DIP2B: variants seen among roughly 807,000 people sequenced by gnomAD.
DIP2B encodes disco-interacting protein 2 homolog B.
DIP2B carries 76 observed loss-of-function variants against 198.0 expected under a neutral mutation model. The ratio of observed to expected loss-of-function variants is 0.38; its 90% confidence interval spans 0.32 to 0.46. The LOEUF is 0.46. DIP2B is among the 20% of genes least tolerant of loss of function. The pLI, the probability that DIP2B is intolerant of heterozygous loss-of-function variation, is 0.99. For missense variants in DIP2B, 1,559 were observed against 1,978.4 expected (o/e 0.79, Z 4.02); for synonymous variants, 701 against 739.1 (o/e 0.95, Z 0.84).
At position 50,724,012 on chromosome 12, in the gene DIP2B, C is replaced by T. The variant is rs865850934; in HGVS notation, c.3288+689C>T. 2.6e-5 allele frequency among the ~76,000 whole-genome samples: 4 copies of T among 152,304 alleles called. No individual in the cohort carries two copies. The South Asian group carries it at 8.3e-4, about 32-fold the overall frequency. ...GTATTGCATGAGATCCTAGTGTTTA[C>T]AGCAAGGGGAAGCCTTGGCCAGTGC... On this transcript the variant is annotated intron_variant, in intron 27 of 37. Coordinates refer to ENST00000301180, the MANE Select transcript of DIP2B (RefSeq NM_173602.3).
intron 36 of DIP2B, 118 bp from the exon 37 acceptor site, chr12:50,741,288 CCAGAGTTACA>C: frequency 1.7e-6 from 2 of 1,152,942 alleles, no homozygotes; most frequent in Non-Finnish European, 2.4e-6. Flanking sequence ...AGGAATTTGC[CCAGAGTTACA>C]CAGTTGGTAG....
intron 1 of DIP2B, among the ~76,000 whole-genome samples, chr12:50,622,751 A>G (rs1937839140): frequency 6.6e-6 from 1 of 152,170 alleles, no homozygotes; most frequent in South Asian, 2.1e-4. Context: ...AGCTGAGACT[A>G]CAGGCACGCG....
At chr12:50,703,812 T>A (rs1378601048) in intron 19 of DIP2B, among the ~76,000 whole-genome samples, 1 of 151,972 alleles carries the variant, frequency 6.6e-6, no homozygotes, top group East Asian at 1.9e-4. Flanking sequence ...TCTTACTAAC[T>A]TGGAAGGGTA....
chr12:50,509,992 C>G (rs944895967), intron 1 of DIP2B, among the ~76,000 whole-genome samples: 1 of 152,154 alleles, frequency 6.6e-6, no homozygotes, highest in Admixed American at 6.5e-5. Flanking sequence ...GGCAGGAGCT[C>G]ATCTTCAGAA....
chr12:50,697,494 G>A (rs755451522), intron 17 of DIP2B, among the ~76,000 whole-genome samples: 3 of 135,336 alleles, frequency 2.2e-5, no homozygotes, highest in Non-Finnish European at 4.7e-5. Context: ...CATTATGTAT[G>A]TAAGTATCAG....
At chr12:50,523,838 A>C (rs567570745) in intron 1 of DIP2B, among the ~76,000 whole-genome samples, 1 of 152,294 alleles carries the variant, frequency 6.6e-6, no homozygotes, top group Admixed American at 6.5e-5. Context: ...AATATTTTAA[A>C]ATAAATTTAC....
intron 1 of DIP2B, among the ~76,000 whole-genome samples, chr12:50,583,879 C>T (rs1958746808): frequency 6.6e-6 from 1 of 152,188 alleles, no homozygotes; most frequent in African/African-American, 2.4e-5. Flanking sequence ...TTCTTCTCTT[C>T]CAGTTTCTTT....
At chr12:50,566,786 G>A (rs1251345792) in intron 1 of DIP2B, among the ~76,000 whole-genome samples, 1 of 151,954 alleles carries the variant, frequency 6.6e-6, no homozygotes, top group African/African-American at 2.4e-5. Flanking sequence ...TGGCTAACAC[G>A]GTGAAACCCC....
At chr12:50,736,911 T>C (rs1175882043) in intron 34 of DIP2B, 125 bp from the exon 35 acceptor site, 1 of 817,956 alleles carries the variant, frequency 1.2e-6, no homozygotes, top group Non-Finnish European at 2.0e-6. Flanking sequence ...GCTGCTGTGA[T>C]GCCGCTACAG....
chr12:50,519,036 A>T (rs115225248), intron 1 of DIP2B, among the ~76,000 whole-genome samples: 234 of 151,940 alleles, frequency 1.5e-3, no homozygotes, highest in African/African-American at 5.4e-3. Flanking sequence ...GAACCACTGC[A>T]TCTGGCCACA....
intron 3 of DIP2B, among the ~76,000 whole-genome samples, chr12:50,652,377 A>G (rs1008392588): frequency 6.6e-6 from 1 of 150,426 alleles, no homozygotes; most frequent in Admixed American, 6.6e-5. Context: ...ACACGCACAC[A>G]CACACACAAA....
Position 50,745,260 on chromosome 12 carries a change from T to C in DIP2B, c.*421T>C. ...CATTCTGCCGTAGCTAGATGTTCTG[T>C]GGGGTTTGTTAACATGGAACTACTC... On this transcript the variant is annotated 3_prime_UTR_variant, in exon 38 of 38. Transcript: ENST00000301180. The C allele has an allele frequency of 5.4e-6, 1 of 185,488 alleles. No homozygotes were observed. The highest frequency in any genetic ancestry group is 1.2e-5 in the Non-Finnish European group (1 of 86,640). The allele number at this position is 185,488 out of a possible 1,614,324, so 11.5% of individuals were successfully genotyped here. A position where few individuals can be genotyped will look rare whatever the true frequency, so the allele number is the denominator to read the frequency against.
At chr12:50,697,007 A>T in intron 16 of DIP2B, 54 bp from the exon 17 acceptor site, 1 of 1,328,050 alleles carries the variant, frequency 7.5e-7, no homozygotes, top group Non-Finnish European at 1.1e-6. Flanking sequence ...CCATTTTCCT[A>T]CAGTAATGAA....
intron 35 of DIP2B, among the ~76,000 whole-genome samples, chr12:50,737,633 T>C (rs746413425): frequency 6.6e-6 from 1 of 152,298 alleles, no homozygotes; most frequent in Non-Finnish European, 1.5e-5. Flanking sequence ...TTTGAGACAG[T>C]CTCACTCTGT....
At position 50,745,935 on chromosome 12, in the gene DIP2B, G is replaced by A. The variant is rs147324435; in HGVS notation, c.*1096G>A. 5.5e-3 allele frequency: 834 copies of A among 152,292 alleles called. 3 individuals are homozygous for A. The highest frequency in any genetic ancestry group is 0.017 in the Middle Eastern group (5 of 294). 9.4% of individuals were successfully genotyped at this position (152,292 alleles called of 1,614,324 possible). On this transcript the variant is annotated 3_prime_UTR_variant, in exon 38 of 38. Transcript: ENST00000301180. Reference sequence around the variant, plus strand: ...GTCCTCTGTTCTTCCAGTTCACGAGGGCAGGGGGTTTAAAACAAGAATGAT... The same window carrying A: ...GTCCTCTGTTCTTCCAGTTCACGAGAGCAGGGGGTTTAAAACAAGAATGAT...
chr12:50,618,230 A>G (rs1434097758), intron 1 of DIP2B, among the ~76,000 whole-genome samples: 1 of 152,214 alleles, frequency 6.6e-6, no homozygotes. Flanking sequence ...ATATAGTGCC[A>G]TTTTTTGAAG....
At chr12:50,605,603 C>T in intron 1 of DIP2B, among the ~76,000 whole-genome samples, 1 of 152,106 alleles carries the variant, frequency 6.6e-6, no homozygotes, top group East Asian at 1.9e-4. Context: ...CAGTCAATTC[C>T]CTTTCCCCCT....
intron 30 of DIP2B, among the ~76,000 whole-genome samples, chr12:50,730,461 C>CTGCA (rs1372383593): frequency 1.7e-4 from 25 of 150,736 alleles, no homozygotes; most frequent in African/African-American, 5.8e-4. Flanking sequence ...TCACAGCTCA[C>CTGCA]TGCAGCCTCT....
At chr12:50,599,010 C>G (rs1472908094) in intron 1 of DIP2B, among the ~76,000 whole-genome samples, 1 of 132,704 alleles carries the variant, frequency 7.5e-6, no homozygotes, top group Non-Finnish European at 1.6e-5. Flanking sequence ...AAACTCTTGG[C>G]TGGGCACAGT....
Sources: allele counts gnomAD v4.1 joint callset (sites outside exome capture counted in the v4.1 genomes callset), GRCh38; gene constraint gnomAD v4.1.1; transcripts MANE v1.5; gene names NCBI Gene and HGNC (gene_info 2026-07-23, HGNC 2026-07-21).